FGF2: variants seen among roughly 807,000 people sequenced by gnomAD.
FGF2 encodes the protein basic fibroblast growth factor bFGF.
Under a neutral mutation model 15.9 loss-of-function variants are expected in FGF2, and 13 were observed. The observed-to-expected ratio is 0.82, with a 90% CI of 0.53 to 1.30. The LOEUF is 1.30. Among genes scored for constraint, FGF2 ranks in the 50% most tolerant of loss-of-function variants. FGF2 has a pLI of 0.00. For missense variants in FGF2, 163 were observed against 196.9 expected (o/e 0.83, Z 1.03); for synonymous variants, 90 against 78.4 (o/e 1.15, Z -0.78).
chr4:122,864,418 C>T (rs1188435541), intron 1 of FGF2, among the ~76,000 whole-genome samples: 2 of 152,120 alleles, frequency 1.3e-5, no homozygotes, highest in East Asian at 1.9e-4. Flanking sequence ...AAAAGCTCAC[C>T]GTCAGTTGGT....
intron 1 of FGF2, among the ~76,000 whole-genome samples, chr4:122,866,958 C>T (rs761373445): frequency 6.6e-6 from 1 of 152,196 alleles, no homozygotes; most frequent in Non-Finnish European, 1.5e-5. Flanking sequence ...ATGAATGAAT[C>T]AAAGTCTAGC....
chr4:122,874,072 A>G (rs905370077), intron 1 of FGF2, among the ~76,000 whole-genome samples: 3 of 152,228 alleles, frequency 2.0e-5, no homozygotes, highest in Non-Finnish European at 4.4e-5. Flanking sequence ...GCTAGCGTTG[A>G]TTGATAAGGG....
intron 1 of FGF2, among the ~76,000 whole-genome samples, chr4:122,848,792 C>T (rs758989063): frequency 3.3e-5 from 5 of 152,206 alleles, no homozygotes; most frequent in African/African-American, 7.2e-5. Context: ...GGAGTATCAT[C>T]GTCAGTAGAA....
chr4:122,860,934 G>A (rs1726450446), intron 1 of FGF2, among the ~76,000 whole-genome samples: 1 of 152,072 alleles, frequency 6.6e-6, no homozygotes, highest in Non-Finnish European at 1.5e-5. Context: ...TTTTTTAATG[G>A]AGAAAATGGT....
chr4:122,856,362 T>A (rs772328601), intron 1 of FGF2, among the ~76,000 whole-genome samples: 1 of 152,152 alleles, frequency 6.6e-6, no homozygotes, highest in Non-Finnish European at 1.5e-5. Context: ...CAGTCAACAA[T>A]GAATTGTAAA....
intron 1 of FGF2, among the ~76,000 whole-genome samples, chr4:122,860,217 A>ATT (rs45626934): frequency 6.6e-6 from 1 of 152,082 alleles, no homozygotes; most frequent in African/African-American, 2.4e-5. Flanking sequence ...CATCATAAAT[A>ATT]TTTTTTTAAT....
intron 1 of FGF2, among the ~76,000 whole-genome samples, chr4:122,854,402 C>T (rs1043908848): frequency 3.9e-5 from 6 of 152,176 alleles, no homozygotes; most frequent in African/African-American, 1.2e-4. Flanking sequence ...TCTCCCGCAC[C>T]TCACAGGCTT....
Position 122,892,920 on chromosome 4 carries a change from C to T in FGF2, c.*524C>T, listed in dbSNP as rs1727227557. 1 of 1,613,852 alleles carries T rather than the reference C, an allele frequency of 6.2e-7. No homozygotes were observed. Among genetic ancestry groups the T allele is most frequent in the Non-Finnish European group, 8.5e-7 (1 of 1,179,886 alleles). ...CCTGTGTAAACTGCTGGAAGTTCTT[C>T]CACAGTCAGGTCAATTTTGTCAAAC... On this transcript the variant is annotated 3_prime_UTR_variant, in exon 3 of 3. Coordinates refer to ENST00000644866, the MANE Select transcript of FGF2 (RefSeq NM_001361665.2).
At chr4:122,878,683 T>C (rs565189314) in intron 2 of FGF2, among the ~76,000 whole-genome samples, 1 of 152,104 alleles carries the variant, frequency 6.6e-6, no homozygotes, top group East Asian at 1.9e-4. Context: ...CCAAGACTGG[T>C]GGAGAGAGAT....
At chr4:122,888,743 T>C (rs557711079) in intron 2 of FGF2, 1 of 152,246 alleles carries the variant, frequency 6.6e-6, no homozygotes, top group Non-Finnish European at 1.5e-5. Flanking sequence ...GTGACCATGC[T>C]ATTTAATATT....
intron 1 of FGF2, among the ~76,000 whole-genome samples, chr4:122,868,265 C>G (rs561445085): frequency 3.9e-5 from 6 of 152,122 alleles, no homozygotes; most frequent in Non-Finnish European, 8.8e-5. Flanking sequence ...TAAGTTCCCT[C>G]CTTTCACTCC....
chr4:122,832,080 T>C (rs189046126), intron 1 of FGF2, among the ~76,000 whole-genome samples: 97 of 152,262 alleles, frequency 6.4e-4, no homozygotes, highest in Non-Finnish European at 1.1e-3. Context: ...AGCTGGTAAT[T>C]ACACATGTGC....
chr4:122,832,033 T>C (rs953186097), intron 1 of FGF2, among the ~76,000 whole-genome samples: 2 of 152,192 alleles, frequency 1.3e-5, no homozygotes, highest in Non-Finnish European at 2.9e-5. Context: ...CTCACATTAT[T>C]GGAACTACTA....
intron 2 of FGF2, among the ~76,000 whole-genome samples, chr4:122,888,280 A>G (rs1727098368): frequency 6.6e-6 from 1 of 152,044 alleles, no homozygotes. Flanking sequence ...CCTCCTTACC[A>G]TTTCTACTGC....
intron 2 of FGF2, chr4:122,888,744 A>G (rs917976174): frequency 1.3e-5 from 2 of 152,150 alleles, no homozygotes; most frequent in Non-Finnish European, 2.9e-5. Flanking sequence ...TGACCATGCT[A>G]TTTAATATTG....
intron 1 of FGF2, among the ~76,000 whole-genome samples, chr4:122,833,937 T>C (rs1725815460): frequency 6.6e-6 from 1 of 152,208 alleles, no homozygotes; most frequent in African/African-American, 2.4e-5. Context: ...TTTAGAACTT[T>C]TATTGGGAAT....
In FGF2 at chr4:122,896,948, G is replaced by C. The variant is rs902568482; in HGVS notation, c.*4552G>C. 2.0e-5 allele frequency: 3 copies of C among 152,080 alleles called. No homozygotes were observed. The highest frequency in any genetic ancestry group is 4.4e-5 in the Non-Finnish European group (3 of 68,012). The allele number at this position is 152,080 out of a possible 1,614,324, so 9.4% of individuals were successfully genotyped here. On this transcript the variant is annotated 3_prime_UTR_variant, in exon 3 of 3. Transcript: ENST00000644866. ...ATTTGATCCAATAGTTTAAGGAATA[G>C]GTAGGAAAATTTGGTTTCTATTTTT...
intron 1 of FGF2, among the ~76,000 whole-genome samples, chr4:122,829,393 A>G (rs374426190): frequency 6.6e-6 from 1 of 152,134 alleles, no homozygotes; most frequent in Non-Finnish European, 1.5e-5. Flanking sequence ...TGAACATCCT[A>G]CAATACACAT....
intron 2 of FGF2, among the ~76,000 whole-genome samples, chr4:122,888,412 T>A (rs534790533): frequency 6.6e-6 from 1 of 152,312 alleles, no homozygotes; most frequent in East Asian, 1.9e-4. Context: ...CAAAAAGATG[T>A]CAGATCATGT....
Sources: allele counts gnomAD v4.1 joint callset (sites outside exome capture counted in the v4.1 genomes callset), GRCh38; gene constraint gnomAD v4.1.1; transcripts MANE v1.5; gene names NCBI Gene and HGNC (gene_info 2026-07-23, HGNC 2026-07-21).